Variants in GLRX3 observed in about 807,000 individuals in gnomAD.
GLRX3 encodes glutaredoxin 3, also known as glutaredoxin-3.
A neutral mutation model predicts 49.5 loss-of-function variants in GLRX3; 22 were observed. The observed-to-expected ratio is 0.44, with a 90% confidence interval of 0.32 to 0.63. GLRX3 has a LOEUF of 0.63. Among genes scored for constraint, GLRX3 ranks in the 30% least tolerant of loss-of-function variants. The pLI, the probability that GLRX3 is intolerant of heterozygous loss-of-function variation, is 0.05. For synonymous variants in GLRX3, 133 were observed against 140.0 expected, an observed-to-expected ratio of 0.95 and a Z score of 0.35; for missense variants, 385 against 396.3, an observed-to-expected ratio of 0.97 and a Z score of 0.24.
chr10:130,144,870 T>C (rs1862242209), intron 1 of GLRX3, among the ~76,000 whole-genome samples: 1 of 152,242 alleles, frequency 6.6e-6, no homozygotes, highest in African/African-American at 2.4e-5. Flanking sequence ...TCTAGATCCT[T>C]GAGGAATTGC....
At chr10:130,170,925 G>C (rs1284575133) in intron 7 of GLRX3, among the ~76,000 whole-genome samples, 2 of 152,060 alleles carry the variant, frequency 1.3e-5, no homozygotes, top group African/African-American at 4.8e-5. Flanking sequence ...TCAAGAGATC[G>C]AGACCATCCT....
chr10:130,159,850 A>G, intron 2 of GLRX3, 145 bp from the exon 3 acceptor site: 1 of 1,354,718 alleles, frequency 7.4e-7, no homozygotes, highest in East Asian at 2.5e-5. Context: ...TCTCATTTAA[A>G]TGTAAATGTG....
At chr10:130,146,361 G>A (rs1229752894) in intron 2 of GLRX3, among the ~76,000 whole-genome samples, 3 of 152,222 alleles carry the variant, frequency 2.0e-5, no homozygotes, top group Non-Finnish European at 4.4e-5. Flanking sequence ...GCAGACCTCC[G>A]GGAGAAGGTG....
At chr10:130,161,507 A>G (rs967056268) in intron 4 of GLRX3, among the ~76,000 whole-genome samples, 1 of 152,134 alleles carries the variant, frequency 6.6e-6, no homozygotes, top group Non-Finnish European at 1.5e-5. Context: ...TCACTGTCTA[A>G]TGATTCTCTT....
At chr10:130,170,625 C>G (rs73391534) in intron 7 of GLRX3, among the ~76,000 whole-genome samples, 1 of 151,638 alleles carries the variant, frequency 6.6e-6, no homozygotes, top group African/African-American at 2.4e-5. Context: ...TTCTTATTCT[C>G]GGTAATGGTT....
chr10:130,166,743 TGTG>T, intron 5 of GLRX3, 64 bp downstream of exon 5: 1 of 1,196,214 alleles, frequency 8.4e-7, no homozygotes, highest in Non-Finnish European at 1.2e-6. Context: ...TTTAAAATGT[TGTG>T]ATAAATCTAA....
chr10:130,136,628 G>A, intron 1 of GLRX3, 116 bp downstream of exon 1: 1 of 1,184,354 alleles, frequency 8.4e-7, no homozygotes, highest in Non-Finnish European at 1.1e-6. Context: ...GGCTCCCTTC[G>A]GCCTCGGGGG....
intron 8 of GLRX3, among the ~76,000 whole-genome samples, chr10:130,173,762 T>C (rs777939955): frequency 6.6e-6 from 1 of 152,232 alleles, no homozygotes; most frequent in Non-Finnish European, 1.5e-5. Flanking sequence ...TAGGTTTACA[T>C]TGGGGTCTTT....
intron 6 of GLRX3, among the ~76,000 whole-genome samples, chr10:130,168,069 T>A (rs555353288): frequency 2.2e-4 from 34 of 152,344 alleles, no homozygotes; most frequent in East Asian, 1.3e-3. Context: ...AATGGCCTTG[T>A]CTCCATCAGA....
At chr10:130,141,224 C>A (rs1260568824) in intron 1 of GLRX3, among the ~76,000 whole-genome samples, 1 of 152,024 alleles carries the variant, frequency 6.6e-6, no homozygotes, top group Non-Finnish European at 1.5e-5. Context: ...GGGAGGATCA[C>A]CTGAGCCCAG....
chr10:130,140,871 G>A (rs1256526079), intron 1 of GLRX3, among the ~76,000 whole-genome samples: 1 of 152,156 alleles, frequency 6.6e-6, no homozygotes, highest in East Asian at 1.9e-4. Flanking sequence ...GATTTGCTAC[G>A]TAAAGTAGTG....
At chr10:130,142,244 A>G (rs1463563361) in intron 1 of GLRX3, among the ~76,000 whole-genome samples, 3 of 151,990 alleles carry the variant, frequency 2.0e-5, no homozygotes, top group Middle Eastern at 3.4e-3. Context: ...CTGTTTTCCT[A>G]TGCTTTGATA....
intron 4 of GLRX3, 60 bp from the exon 5 acceptor site, chr10:130,166,447 T>C (rs1406946781): frequency 4.1e-6 from 5 of 1,209,246 alleles, no homozygotes; most frequent in African/African-American, 1.5e-5. Context: ...TAATGTATTA[T>C]CATGTGTATG....
chr10:130,152,742 T>C (rs1862402113), intron 2 of GLRX3, among the ~76,000 whole-genome samples: 1 of 152,164 alleles, frequency 6.6e-6, no homozygotes. Flanking sequence ...CATTTTTTCC[T>C]TAATTTCAAC....
intron 1 of GLRX3, among the ~76,000 whole-genome samples, chr10:130,142,311 C>T (rs1366711747): frequency 1.3e-5 from 2 of 152,048 alleles, no homozygotes; most frequent in African/African-American, 4.8e-5. Context: ...TCTCCCCAAG[C>T]CCTCCTTCCA....
Position 130,151,798 on chromosome 10 carries a change from G to A in GLRX3, c.201+6479G>A, listed in dbSNP as rs185574927. Among the ~76,000 whole-genome samples, 27 of 152,186 alleles carry A rather than the reference G, an allele frequency of 1.8e-4. No homozygotes were observed. In the East Asian group the frequency reaches 4.8e-3, roughly 27 times the overall value. On this transcript the variant is annotated intron_variant, in intron 2 of 10. Coordinates refer to ENST00000331244, the MANE Select transcript of GLRX3 (RefSeq NM_006541.5). ...TGTTGGTTTAAAGTCTGTTTTATCA[G>A]AGACCAGGATTGCAACCCCTGCTTT...
intron 8 of GLRX3, among the ~76,000 whole-genome samples, chr10:130,174,615 A>G (rs1233218065): frequency 6.6e-6 from 1 of 152,192 alleles, no homozygotes; most frequent in Non-Finnish European, 1.5e-5. Flanking sequence ...TGACTCTTTA[A>G]GAAGAAGTTT....
chr10:130,170,483 C>T (rs1018375387), intron 7 of GLRX3, among the ~76,000 whole-genome samples: 1 of 152,000 alleles, frequency 6.6e-6, no homozygotes, highest in Non-Finnish European at 1.5e-5. Context: ...GTAACAGTAA[C>T]AAAGAAAATG....
intron 1 of GLRX3, among the ~76,000 whole-genome samples, chr10:130,139,695 A>G (rs1325092974): frequency 1.3e-5 from 2 of 151,866 alleles, no homozygotes; most frequent in Non-Finnish European, 1.5e-5. Flanking sequence ...CAGCAAACCC[A>G]GCACTTTGGG....
Sources: allele counts gnomAD v4.1 joint callset (sites outside exome capture counted in the v4.1 genomes callset), GRCh38; gene constraint gnomAD v4.1.1; transcripts MANE v1.5; gene names NCBI Gene and HGNC (gene_info 2026-07-23, HGNC 2026-07-21).